TCF7L1: variants seen among roughly 807,000 people sequenced by gnomAD.
TCF7L1 encodes the protein transcription factor 7-like 1.
In TCF7L1, 18 loss-of-function variants were observed where a neutral mutation model predicts 63.7. The observed-to-expected ratio is 0.28, with a 90% CI of 0.20 to 0.42. The LOEUF (loss-of-function observed/expected upper bound fraction) is 0.42, where lower values mean the gene tolerates loss of function less well. Ranked by LOEUF, TCF7L1 falls within the 10% of genes least tolerant of loss-of-function variation. The probability of loss-of-function intolerance (pLI) is 1.00; values close to 1 mark genes in which losing one functional copy is unlikely to be tolerated. For missense variants in TCF7L1, 654 were observed against 779.3 expected, an observed-to-expected ratio of 0.84 and a Z score of 1.91; for synonymous variants, 355 against 340.9, an observed-to-expected ratio of 1.04 and a Z score of -0.46.
chr2:85,149,447 TATA>T (rs1013177116), intron 3 of TCF7L1, among the ~76,000 whole-genome samples: 10 of 152,168 alleles, frequency 6.6e-5, no homozygotes, highest in Non-Finnish European at 1.5e-4. Flanking sequence ...CTTTTAATTT[TATA>T]ATAATTTCAG....
intron 3 of TCF7L1, among the ~76,000 whole-genome samples, chr2:85,152,252 GT>G (rs1282392815): frequency 6.6e-6 from 1 of 152,142 alleles, no homozygotes; most frequent in Non-Finnish European, 1.5e-5. Context: ...AGTGGAGAAT[GT>G]TACTTACAGA....
intron 3 of TCF7L1, among the ~76,000 whole-genome samples, chr2:85,276,726 G>A (rs1019265693): frequency 2.6e-5 from 4 of 152,080 alleles, no homozygotes. Flanking sequence ...ATACAGCATG[G>A]GACAGGGTTT....
Position 85,279,657 on chromosome 2 carries a change from C to T in TCF7L1, c.442-3838C>T, listed in dbSNP as rs141779036. On this transcript the variant is annotated intron_variant, in intron 3 of 11. Transcript: ENST00000282111. ...GGGGCTCCAAAGTCTTAGAGCTCTTCCTCCTCCCCCCGTCACTCATCTCCA... is the reference window on the plus strand; with the variant it reads ...GGGGCTCCAAAGTCTTAGAGCTCTTTCTCCTCCCCCCGTCACTCATCTCCA... Among the ~76,000 whole-genome samples the T allele has an allele frequency of 1.7e-3, 254 of 152,198 alleles. 1 individual carries two copies. Among genetic ancestry groups the T allele is most frequent in the African/African-American group, 5.9e-3 (245 of 41,506 alleles).
rs770421595 is a variant in TCF7L1, at chr2:85,134,450, C to T, written c.441C>T (p.Thr147=). Residue 147 remains threonine, a splice_region_variant and synonymous_variant, in exon 3 of 12, where the codon ACC becomes ACT. Coordinates refer to ENST00000282111, the MANE Select transcript of TCF7L1 (RefSeq NM_031283.3). This position sits in a 1 kb window ranked among gnomAD's most constrained non-coding sequence, Gnocchi z 5.0. ...NGPLSPGGAR[T]YLQMKWPLLD... ...CCCTGTCTCCCGGAGGAGCGCGCACCGTGAGTGCCCGTCGGGCGCGCCGGG... is the reference window on the plus strand; with the variant it reads ...CCCTGTCTCCCGGAGGAGCGCGCACTGTGAGTGCCCGTCGGGCGCGCCGGG... 1.0e-5 allele frequency: 16 copies of T among 1,551,958 alleles called. No individual in the cohort carries two copies. The highest frequency in any genetic ancestry group is 1.9e-4 in the Middle Eastern group (1 of 5,366).
chr2:85,255,728 G>A (rs1680700623), intron 3 of TCF7L1, among the ~76,000 whole-genome samples: 1 of 152,190 alleles, frequency 6.6e-6, no homozygotes, highest in African/African-American at 2.4e-5. Context: ...TGGGGAGGAT[G>A]TCTTCTGGTT....
chr2:85,305,557 ACTTACTC>A (rs1472644874), intron 8 of TCF7L1, among the ~76,000 whole-genome samples, 154 bp downstream of exon 8: 2 of 152,072 alleles, frequency 1.3e-5, no homozygotes, highest in African/African-American at 4.8e-5. Flanking sequence ...CTTCCTCGGG[ACTTACTC>A]CCTCTGACCT....
At chr2:85,285,633 G>A (rs866934500) in intron 4 of TCF7L1, among the ~76,000 whole-genome samples, 1 of 152,226 alleles carries the variant, frequency 6.6e-6, no homozygotes, top group South Asian at 2.1e-4. Flanking sequence ...AGCCAAGCAC[G>A]AGGCGCGGGT....
rs186282432 is a variant in TCF7L1, at chr2:85,144,293, A to G, written c.441+9843A>G. Among the ~76,000 whole-genome samples, 15 of 152,268 alleles carry G rather than the reference A, an allele frequency of 9.9e-5. No individual in the cohort carries two copies. The East Asian group carries it at 2.9e-3, about 29-fold the overall frequency. On this transcript the variant is annotated intron_variant, in intron 3 of 11. Transcript: ENST00000282111. ...CGTTAATTGACCATTAAGGAAATAC[A>G]TACTAGGCTGCATGTGGTAGCTCAC...
At chr2:85,226,315 C>A (rs1181193148) in intron 3 of TCF7L1, among the ~76,000 whole-genome samples, 2 of 152,170 alleles carry the variant, frequency 1.3e-5, no homozygotes, top group African/African-American at 4.8e-5. Context: ...AGGATTTCTT[C>A]TTTTTCTATT....
chr2:85,179,352 C>T (rs887512921), intron 3 of TCF7L1, among the ~76,000 whole-genome samples: 1 of 152,166 alleles, frequency 6.6e-6, no homozygotes, highest in African/African-American at 2.4e-5. Context: ...CCTGTTAACA[C>T]ACAAGCTGAG....
intron 3 of TCF7L1, among the ~76,000 whole-genome samples, chr2:85,219,545 T>G (rs1679797292): frequency 1.3e-5 from 2 of 152,124 alleles, no homozygotes; most frequent in South Asian, 2.1e-4. Flanking sequence ...CTACATGTAT[T>G]AACATGAATA....
chr2:85,291,560 AGTTTTG>A (rs112277726), intron 4 of TCF7L1, among the ~76,000 whole-genome samples: 26,728 of 134,752 alleles, frequency 0.2, 3,225 homozygotes, highest in African/African-American at 0.38. Context: ...TTTTGGTTTT[AGTTTTG>A]GTTTTGGTTT....
At chr2:85,254,469 A>G (rs915283702) in intron 3 of TCF7L1, among the ~76,000 whole-genome samples, 14 of 152,184 alleles carry the variant, frequency 9.2e-5, no homozygotes, top group African/African-American at 3.4e-4. Context: ...AGGTTGTTTC[A>G]TAGCCATTTA....
rs1682213009 is a variant in TCF7L1 at position 85,309,131 on chromosome 2, C to T, written c.1436C>T (p.Pro479Leu). 1.9e-6 allele frequency: 3 copies of T among 1,613,866 alleles called. No individual in the cohort carries two copies. The highest frequency in any genetic ancestry group is 1.7e-6 in the Non-Finnish European group (2 of 1,180,004). Reference protein sequence around the residue: ...ASSHGSMLDSPATPSAALASP... With the variant: ...ASSHGSMLDSLATPSAALASP... ...TCCCACGGGAGCATGCTGGACTCCCCGGCCACTCCCTCTGCAGCTTTGGCC... is the reference window on the plus strand; with the variant it reads ...TCCCACGGGAGCATGCTGGACTCCCTGGCCACTCCCTCTGCAGCTTTGGCC... Residue 479 changes from proline to leucine, a missense_variant, in exon 12 of 12, where the codon CCG becomes CTG. Pro to Leu is a moderately conservative substitution (Grantham distance 98). Coordinates refer to ENST00000282111, the MANE Select transcript of TCF7L1 (RefSeq NM_031283.3).
At chr2:85,166,168 G>T (rs993525715) in intron 3 of TCF7L1, among the ~76,000 whole-genome samples, 3 of 152,208 alleles carry the variant, frequency 2.0e-5, no homozygotes, top group Admixed American at 2.0e-4. Context: ...CAGCCTTGGG[G>T]CTGGAGGTAG....
At chr2:85,262,022 C>T (rs757787954) in intron 3 of TCF7L1, 17 of 521,848 alleles carry the variant, frequency 3.3e-5, no homozygotes, top group Non-Finnish European at 4.9e-5. Context: ...AACAATTTCT[C>T]ACTTCATTGA....
intron 3 of TCF7L1, among the ~76,000 whole-genome samples, chr2:85,158,338 C>T (rs760240545): frequency 2.0e-5 from 3 of 152,218 alleles, no homozygotes; most frequent in Non-Finnish European, 4.4e-5. Context: ...CTCTCTCTCC[C>T]CTCTCCTTTT....
chr2:85,298,969 A>G (rs1482825394), intron 4 of TCF7L1, among the ~76,000 whole-genome samples: 2 of 152,032 alleles, frequency 1.3e-5, no homozygotes, highest in Admixed American at 6.6e-5. Context: ...CTAGTGGGAA[A>G]CGGTAAGAAC....
intron 3 of TCF7L1, among the ~76,000 whole-genome samples, chr2:85,260,358 C>T (rs1316866536): frequency 6.6e-6 from 1 of 151,676 alleles, no homozygotes; most frequent in Admixed American, 6.6e-5. Flanking sequence ...TGTACGTGGC[C>T]GGACGCAGTG....
Sources: allele counts gnomAD v4.1 joint callset (sites outside exome capture counted in the v4.1 genomes callset), GRCh38; gene constraint gnomAD v4.1.1; non-coding constraint Gnocchi (gnomAD v3.1); transcripts MANE v1.5; gene names NCBI Gene and HGNC (gene_info 2026-07-23, HGNC 2026-07-21).